POLG: variants seen among roughly 807,000 people sequenced by gnomAD.
POLG encodes the protein DNA polymerase subunit gamma-1.
Under a neutral mutation model 155.4 loss-of-function variants are expected in POLG, and 110 were observed. The observed-to-expected ratio is 0.71, with a 90% confidence interval of 0.61 to 0.83. The LOEUF (loss-of-function observed/expected upper bound fraction) is 0.83, where lower values mean the gene tolerates loss of function less well. POLG is among the 40% of genes least tolerant of loss of function. POLG has a pLI of 0.00. For synonymous variants in POLG, 701 were observed against 631.5 expected, an observed-to-expected ratio of 1.11 and a Z score of -1.65; for missense variants, 1,685 against 1,627.5, an observed-to-expected ratio of 1.04 and a Z score of -0.61.
rs1460107066 is a variant in POLG, at chr15:89,333,926, G to A, written c.-159-13C>T. On this transcript the variant is annotated splice_polypyrimidine_tract_variant and intron_variant, in intron 1 of 22. Transcript: ENST00000268124. ...TCCACCCCAAATCCTAAAGGAGACAGATGATATAAAGCGTTATTTTACCAT... is the reference window on the plus strand; with the variant it reads ...TCCACCCCAAATCCTAAAGGAGACAAATGATATAAAGCGTTATTTTACCAT... 3 of 703,204 alleles carry A rather than the reference G, an allele frequency of 4.3e-6. No individual in the cohort carries two copies. Among genetic ancestry groups the A allele is most frequent in the South Asian group, 1.8e-5 (1 of 56,822 alleles). The allele number at this position is 703,204 out of a possible 1,614,324, so 43.6% of individuals were successfully genotyped here.
At position 89,320,848 on chromosome 15, in the gene POLG, T is replaced by G. The variant is rs774201231; in HGVS notation, c.2899A>C (p.Met967Leu). The G allele has an allele frequency of 6.2e-7, 1 of 1,613,940 alleles. No homozygotes were observed. The highest frequency in any genetic ancestry group is 1.1e-5 in the South Asian group (1 of 91,070). Reference protein sequence around the residue: ...AGQPFAERLLMQFNHRLTQQE... With the variant: ...AGQPFAERLLLQFNHRLTQQE... ...TGTGTGAGCCGGTGGTTAAACTGCA[T>G]TAGTAAGCGCTCAGCAAAGGGCTGC... Residue 967 changes from methionine to leucine, a missense_variant, in exon 18 of 23, where the codon ATG becomes CTG. Around this residue, in one of 3 missense-constraint regions of POLG, gnomAD observed 470 missense variants for 439.9 expected, o/e 1.07. Transcript: ENST00000268124.
chr15:89,322,900 A>G lies in POLG; in HGVS notation c.2268T>C (p.Asp756=), dbSNP rs758644254. 6.2e-7 allele frequency: 1 copy of G among 1,612,338 alleles called. No individual in the cohort carries two copies. The highest frequency in any genetic ancestry group is 1.7e-5 in the Admixed American group (1 of 60,016). ...GGCTTCCCACATTACAGCTATTACC[A>G]TCCTGGACAGAGCAAAGGAAGCAGG... ...GCWFFKLPHK[D]GNSCNVGSPF... is the part of the protein sequence containing the mutation. The change falls in exon 14 of 23, where the codon GAT becomes GAC. Residue 756 remains aspartate, a splice_region_variant and synonymous_variant. Transcript: ENST00000268124.
In POLG at chr15:89,325,223, A is replaced by AGAGTGAGTGAGTGAGTGAGTGAGT. The variant is rs1555453361; in HGVS notation, c.1949+226_1949+227insACTCACTCACTCACTCACTCACTC. On this transcript the variant is annotated intron_variant, in intron 10 of 22. Coordinates refer to ENST00000268124, the MANE Select transcript of POLG (RefSeq NM_002693.3). ...GTGAGTGAGAGAGTGAGTGAGTGAG[A>AGAGTGAGTGAGTGAGTGAGTGAGT]GAGTGAGTGAGAGAGTGAGTGAGTG... Among the ~76,000 whole-genome samples, 2 of 38,648 alleles carry AGAGTGAGTGAGTGAGTGAGTGAGT rather than the reference A, an allele frequency of 5.2e-5. 1 individual carries two copies. The highest frequency in any genetic ancestry group is 2.6e-4 in the African/African-American group (2 of 7,714). The allele number at this position is 38,648 out of a possible 152,430, so 25.4% of individuals were successfully genotyped here. A position where few individuals can be genotyped will look rare whatever the true frequency, so the allele number is the denominator to read the frequency against.
At chr15:89,331,141 G>C (rs1327976440) in intron 2 of POLG, among the ~76,000 whole-genome samples, 1 of 115,734 alleles carries the variant, frequency 8.6e-6, no homozygotes, top group Non-Finnish European at 1.7e-5. Flanking sequence ...AACCTTTATG[G>C]AAGGGAAAAA....
At position 89,321,115 on chromosome 15, in the gene POLG, T is replaced by C; in HGVS notation, c.2734+10A>G. ...GGGGCTGGGCTGCCCCAACCCCGGC[T>C]CCTGCTCACCATGCATGCCGGCAAA... is the stretch of plus-strand genomic sequence containing the variant. On this transcript the variant is annotated intron_variant, in intron 17 of 22. Transcript: ENST00000268124. 1 of 1,614,184 alleles carries C rather than the reference T, an allele frequency of 6.2e-7. No homozygotes were observed. Among genetic ancestry groups the C allele is most frequent in the Non-Finnish European group, 8.5e-7 (1 of 1,180,024 alleles).
In POLG at chr15:89,316,384, T is replaced by C. The variant is rs913032891; in HGVS notation, c.*367A>G. Reference sequence around the variant, plus strand: ...GTTTATCACGTTAGAGCATTAATTCTTTCCCCTTCTAGGGCACTGCATCAG... The same window carrying C: ...GTTTATCACGTTAGAGCATTAATTCCTTCCCCTTCTAGGGCACTGCATCAG... On this transcript the variant is annotated 3_prime_UTR_variant, in exon 23 of 23. Transcript: ENST00000268124. 1 of 1,609,512 alleles carries C rather than the reference T, an allele frequency of 6.2e-7. No homozygotes were observed. The highest frequency in any genetic ancestry group is 1.3e-5 in the African/African-American group (1 of 74,858).
intron 22 of POLG, 45 bp downstream of exon 22, chr15:89,317,331 A>C: frequency 3.1e-6 from 5 of 1,594,822 alleles, no homozygotes; most frequent in Non-Finnish European, 4.3e-6. Context: ...TTTCTAGTCC[A>C]CCTCAGATCC....
intron 10 of POLG, among the ~76,000 whole-genome samples, chr15:89,325,211 T>TGAGTGAGTGAGA (rs1261162563): frequency 7.8e-5 from 3 of 38,332 alleles, no homozygotes; most frequent in East Asian, 1.2e-3. Context: ...AGTGAGAGAG[T>TGAGTGAGTGAGA]GAGTGAGTGA....
intron 6 of POLG, among the ~76,000 whole-genome samples, chr15:89,328,086 A>G (rs931068950): frequency 2.2e-4 from 33 of 151,484 alleles, no homozygotes; most frequent in Middle Eastern, 3.4e-3. Context: ...TTTTCTTTCC[A>G]TATCTTTGGT....
chr15:89,325,091 AGTG>A lies in POLG; in HGVS notation c.1949+356_1949+358del, dbSNP rs1567189242. Among the ~76,000 whole-genome samples the A allele has an allele frequency of 4.4e-4, 41 of 93,806 alleles. 2 individuals carry two copies. Among genetic ancestry groups the A allele is most frequent in the African/African-American group, 1.2e-3 (21 of 17,092 alleles). The allele number at this position is 93,806 out of a possible 152,430, so 61.5% of individuals were successfully genotyped here. A position where few individuals can be genotyped will look rare whatever the true frequency, so the allele number is the denominator to read the frequency against. On this transcript the variant is annotated intron_variant, in intron 10 of 22. Coordinates refer to ENST00000268124, the MANE Select transcript of POLG (RefSeq NM_002693.3). Reference sequence around the variant, plus strand: ...GAGTGAGTGAGTGAGTGAGAGAGTGAGTGAGTGAGAGAGTGAGAGAGAGTGAGT... The same window carrying A: ...GAGTGAGTGAGTGAGTGAGAGAGTGAAGTGAGAGAGTGAGAGAGAGTGAGT...
chr15:89,330,897 G>A (rs950460352), intron 2 of POLG, among the ~76,000 whole-genome samples: 4 of 145,152 alleles, frequency 2.8e-5, no homozygotes, highest in African/African-American at 9.9e-5. Flanking sequence ...ATGTGTATGT[G>A]ACAGGGTTGG....
rs769637557 is a variant in POLG at position 89,327,004 on chromosome 15, T to C, written c.1493A>G (p.Lys498Arg). The C allele has an allele frequency of 1.2e-6, 2 of 1,614,102 alleles. No homozygotes were observed. Among genetic ancestry groups the C allele is most frequent in the Non-Finnish European group, 1.7e-6 (2 of 1,180,054 alleles). Residue 498 changes from lysine to arginine, a missense_variant, in exon 8 of 23, where the codon AAG (lysine) becomes AGG (arginine). By Grantham distance (26) the Lys-to-Arg change is conservative. Coordinates refer to ENST00000268124, the MANE Select transcript of POLG (RefSeq NM_002693.3). ...LEWDLQEFKQ[K>R]KAKKVKKEPA... ...TTCCTTCTTCACCTTCTTAGCTTTC[T>C]TCTGCTTAAATTCTTGCAGGTCCCA...
intron 22 of POLG, chr15:89,317,055 T>C (rs1335030828): frequency 1.7e-6 from 1 of 592,976 alleles, no homozygotes; most frequent in African/African-American, 1.9e-5. Flanking sequence ...TTGTTTGGTA[T>C]TTAAAGCACA....
At chr15:89,325,121 AGTGAGTG>A (rs2055472611) in intron 10 of POLG, among the ~76,000 whole-genome samples, 1 of 67,922 alleles carries the variant, frequency 1.5e-5, no homozygotes, top group African/African-American at 4.9e-5. Flanking sequence ...AGAGTGAGTG[AGTGAGTG>A]AGAGAGTGAG....
At chr15:89,325,299 G>GGGGTGTGT (rs140688938) in intron 10 of POLG, 151 bp downstream of exon 10, 3 of 527,314 alleles carry the variant, frequency 5.7e-6, no homozygotes, top group South Asian at 4.0e-5. Flanking sequence ...AGAGAGAGAG[G>GGGGTGTGT]GTGTGTGTGT....
At chr15:89,325,113 A>AGGGT (rs2055470874) in intron 10 of POLG, among the ~76,000 whole-genome samples, 12 of 49,748 alleles carry the variant, frequency 2.4e-4, no homozygotes, top group Admixed American at 3.8e-4. Flanking sequence ...AGTGAGAGAG[A>AGGGT]GTGAGTGAGT....
At chr15:89,325,159 T>TGAGA (rs2055479545) in intron 10 of POLG, among the ~76,000 whole-genome samples, 5 of 43,400 alleles carry the variant, frequency 1.2e-4, no homozygotes, top group African/African-American at 6.8e-4. Flanking sequence ...AGTGAGTGAG[T>TGAGA]GAGTGAGTGA....
chr15:89,319,522 G>GC (rs1420906840), intron 18 of POLG, 172 bp from the exon 19 acceptor site: 37 of 859,268 alleles, frequency 4.3e-5, no homozygotes, highest in Non-Finnish European at 6.8e-5. Context: ...TAAGTGCCTT[G>GC]CCTAGGATCA....
chr15:89,319,016 C>A lies in POLG; in HGVS notation c.3188G>T (p.Ser1063Ile). ...ACGTGGTATGTCAGACGTAGCAATG[C>A]TCTCAAGCTTATTGAACATTTCTGA... ...TESEMFNKLE[S>I]IATSDIPRTP... Residue 1063 changes from serine (S) to isoleucine (I), a missense_variant, in exon 20 of 23, where the codon AGC becomes ATC. Ser to Ile is a moderately radical substitution (Grantham distance 142, BLOSUM62 -2). Transcript: ENST00000268124. 1 of 1,614,132 alleles carries A rather than the reference C, an allele frequency of 6.2e-7. No homozygotes were observed. Among genetic ancestry groups the A allele is most frequent in the Non-Finnish European group, 8.5e-7 (1 of 1,179,988 alleles).
Sources: allele counts gnomAD v4.1 joint callset (sites outside exome capture counted in the v4.1 genomes callset), GRCh38; gene constraint gnomAD v4.1.1; regional missense constraint gnomAD v4.1.1; transcripts MANE v1.5; gene names NCBI Gene and HGNC (gene_info 2026-07-23, HGNC 2026-07-21).